Variants in OXR1 observed in about 807,000 individuals in gnomAD.
The protein encoded by OXR1 is oxidation resistance protein 1.
In OXR1, 41 loss-of-function variants were observed where a neutral mutation model predicts 104.6. The observed-to-expected ratio is 0.39, with a 90% CI of 0.31 to 0.51. The LOEUF (loss-of-function observed/expected upper bound fraction) is 0.51. OXR1 is among the 20% of genes least tolerant of loss of function. The probability of loss-of-function intolerance (pLI) is 0.77; values close to 1 mark genes in which losing one functional copy is unlikely to be tolerated. For synonymous variants in OXR1, 348 were observed against 348.4 expected, an observed-to-expected ratio of 1.00 and a Z score of 0.01; for missense variants, 955 against 1,031.9, an observed-to-expected ratio of 0.93 and a Z score of 1.02.
At position 106,714,436 on chromosome 8, in the gene OXR1, C is replaced by A. The variant is rs184034938; in HGVS notation, c.1956+451C>A. On this transcript the variant is annotated intron_variant, in intron 11 of 16. Transcript: ENST00000517566. ...CATAGCATCTATACAAATTACTACTCCTTTCTATGTTTCAGACCTAAGCAT... is the reference window on the plus strand; with the variant it reads ...CATAGCATCTATACAAATTACTACTACTTTCTATGTTTCAGACCTAAGCAT... Among the ~76,000 whole-genome samples, 12 of 152,130 alleles carry A rather than the reference C, an allele frequency of 7.9e-5. No homozygotes were observed. In the East Asian group the frequency reaches 1.5e-3, roughly 20 times the overall value.
chr8:106,575,702 A>T (rs1451419707), intron 3 of OXR1, among the ~76,000 whole-genome samples: 10 of 33,110 alleles, frequency 3.0e-4, no homozygotes, highest in African/African-American at 7.9e-4. Flanking sequence ...AATATATTAA[A>T]AAAAAAAAAA....
chr8:106,330,704 T>A (rs954865859), intron 1 of OXR1, among the ~76,000 whole-genome samples: 2 of 152,322 alleles, frequency 1.3e-5, no homozygotes, highest in Non-Finnish European at 2.9e-5. Context: ...AAAACAAACA[T>A]GACCCCTGCA....
At chr8:106,741,159 G>GTTAC (rs1399056027) in intron 14 of OXR1, among the ~76,000 whole-genome samples, 1 of 152,062 alleles carries the variant, frequency 6.6e-6, no homozygotes, top group African/African-American at 2.4e-5. Context: ...CTTGCCCAAG[G>GTTAC]TTACATACCC....
intron 2 of OXR1, among the ~76,000 whole-genome samples, chr8:106,516,914 G>GA (rs968324664): frequency 3.3e-5 from 5 of 151,952 alleles, no homozygotes; most frequent in African/African-American, 7.3e-5. Context: ...TGCATGCATT[G>GA]AAAAAAACAT....
chr8:106,406,029 T>C (rs1045754922), intron 2 of OXR1, among the ~76,000 whole-genome samples: 1 of 152,202 alleles, frequency 6.6e-6, no homozygotes, highest in African/African-American at 2.4e-5. Flanking sequence ...TAGTCTGAAA[T>C]CATTCTCTTA....
chr8:106,633,262 C>CA (rs913395480), intron 3 of OXR1, among the ~76,000 whole-genome samples: 34 of 149,742 alleles, frequency 2.3e-4, no homozygotes, highest in East Asian at 9.8e-4. Flanking sequence ...CAAACAACAA[C>CA]AAAAAAAAAG....
chr8:106,454,365 G>A (rs1820485893), intron 2 of OXR1, among the ~76,000 whole-genome samples: 1 of 151,624 alleles, frequency 6.6e-6, no homozygotes, highest in Non-Finnish European at 1.5e-5. Flanking sequence ...GGAGGCTGAG[G>A]CAGGAGAATT....
chr8:106,533,748 CTT>C (rs1252427965), intron 3 of OXR1, among the ~76,000 whole-genome samples: 28 of 139,340 alleles, frequency 2.0e-4, no homozygotes, highest in African/African-American at 7.3e-4. Flanking sequence ...GATTTTCTCT[CTT>C]GTTGCCCAGG....
At chr8:106,437,199 A>G (rs1459147785) in intron 2 of OXR1, among the ~76,000 whole-genome samples, 1 of 152,136 alleles carries the variant, frequency 6.6e-6, no homozygotes, top group Admixed American at 6.6e-5. Flanking sequence ...TAAGGAAGTG[A>G]TGTTCAAAAG....
At chr8:106,468,700 A>G (rs1821321474) in intron 2 of OXR1, among the ~76,000 whole-genome samples, 2 of 151,788 alleles carry the variant, frequency 1.3e-5, no homozygotes, top group South Asian at 2.1e-4. Flanking sequence ...TATGGTTAAT[A>G]TGGGCTACAC....
At position 106,710,659 on chromosome 8, in the gene OXR1, A is replaced by G. The variant is rs28921427; in HGVS notation, c.1662A>G (p.Leu554=). 3.1e-3 allele frequency: 4,907 copies of G among 1,593,532 alleles called. 18 individuals carry two copies. The highest frequency in any genetic ancestry group is 3.5e-3 in the Non-Finnish European group (4,109 of 1,170,554). ...ALLKEKQRHR[L]HKFLCLRVGK... is the part of the protein sequence containing the mutation. ...TAAAAGAAAAGCAAAGGCATCGATT[A>G]CATAAGTTCTTGTGTCTCAGAGTTG... The change falls in exon 10 of 17, where the codon TTA becomes TTG. Residue 554 remains leucine, a synonymous_variant. Coordinates refer to ENST00000517566, the MANE Select transcript of OXR1 (RefSeq NM_001198533.2).
At chr8:106,369,822 A>G (rs367956560) in intron 2 of OXR1, among the ~76,000 whole-genome samples, 1 of 152,216 alleles carries the variant, frequency 6.6e-6, no homozygotes, top group Non-Finnish European at 1.5e-5. Context: ...GTTTGAAGTC[A>G]GGTAGTGTGA....
At chr8:106,577,538 C>T (rs373738412) in intron 3 of OXR1, among the ~76,000 whole-genome samples, 93 of 151,866 alleles carry the variant, frequency 6.1e-4, no homozygotes, top group South Asian at 2.7e-3. Flanking sequence ...TACAGGTGCC[C>T]GCCACCACGC....
intron 3 of OXR1, among the ~76,000 whole-genome samples, chr8:106,642,830 T>C (rs1823772893): frequency 6.6e-6 from 1 of 152,228 alleles, no homozygotes; most frequent in African/African-American, 2.4e-5. Flanking sequence ...CTTGAAACCA[T>C]TTCAGAGGGG....
rs530985958 is a variant in OXR1 at position 106,636,108 on chromosome 8, A to G, written c.221-43102A>G. Among the ~76,000 whole-genome samples, 62 of 152,292 alleles carry G rather than the reference A, an allele frequency of 4.1e-4. No individual in the cohort carries two copies. The South Asian group carries it at 6.4e-3, about 16-fold the overall frequency. On this transcript the variant is annotated intron_variant, in intron 3 of 16. Transcript: ENST00000517566. ...GGCAGTTCACTTTAATGGTTGACCA[A>G]TGGAATGCTGAGCTACCTACTTGTC...
At chr8:106,539,066 C>A (rs1814760119) in intron 3 of OXR1, among the ~76,000 whole-genome samples, 1 of 152,146 alleles carries the variant, frequency 6.6e-6, no homozygotes, top group Non-Finnish European at 1.5e-5. Flanking sequence ...ATTTTACTTT[C>A]TCTGGGTACA....
intron 1 of OXR1, among the ~76,000 whole-genome samples, chr8:106,316,691 T>A (rs907117952): frequency 7.6e-6 from 1 of 132,300 alleles, no homozygotes; most frequent in Non-Finnish European, 1.6e-5. Flanking sequence ...CTCTCTTTTT[T>A]TCTATCTATC....
chr8:106,662,174 T>C (rs550364463), intron 3 of OXR1, among the ~76,000 whole-genome samples: 2 of 152,318 alleles, frequency 1.3e-5, no homozygotes, highest in African/African-American at 2.4e-5. Flanking sequence ...ATACCAACCA[T>C]AGACCTTAGT....
intron 1 of OXR1, among the ~76,000 whole-genome samples, chr8:106,283,408 A>G (rs1812369260): frequency 6.6e-6 from 1 of 152,200 alleles, no homozygotes; most frequent in African/African-American, 2.4e-5. Flanking sequence ...GTGTCTGTGG[A>G]TTCCAGAAGG....
Sources: gnomAD v4.1 joint callset for allele counts (sites outside exome capture counted in the v4.1 genomes callset) on GRCh38, gnomAD v4.1.1 for gene constraint, MANE v1.5 for transcripts, NCBI Gene and HGNC (gene_info 2026-07-23, HGNC 2026-07-21) for gene names.